The following ADCY1 variants were observed in gnomAD, a reference collection of about 807,000 sequenced individuals.
The protein encoded by ADCY1 is adenylate cyclase 1, also known as adenylate cyclase type 1.
A neutral mutation model predicts 105.4 loss-of-function variants in ADCY1; 28 were observed. That is an observed-to-expected ratio of 0.27 (90% CI 0.20 to 0.36). ADCY1 has a LOEUF of 0.36. ADCY1 is among the 10% of genes least tolerant of loss of function. ADCY1 has a pLI of 1.00. For synonymous variants in ADCY1, 655 were observed against 623.8 expected (o/e 1.05, Z -0.75); for missense variants, 977 against 1,434.2 (o/e 0.68, Z 5.15).
chr7:45,693,836 A>G (rs1784826943), intron 14 of ADCY1, among the ~76,000 whole-genome samples: 1 of 141,622 alleles, frequency 7.1e-6, no homozygotes, highest in African/African-American at 2.7e-5. Flanking sequence ...GAAATTGGAA[A>G]CCATCATTCT....
chr7:45,711,889 T>TTTATATATTATATTAAATATATAAATATA (rs1554333292), intron 19 of ADCY1, among the ~76,000 whole-genome samples: 15,735 of 90,030 alleles, frequency 0.17, 1,802 homozygotes, highest in African/African-American at 0.27. Context: ...TATAAATATA[T>TTTATATATTATATTAAATATATAAATATA]TTATATATTA....
At position 45,718,461 on chromosome 7, in the gene ADCY1, A is replaced by G. The variant is rs886274280; in HGVS notation, c.*4466A>G. On this transcript the variant is annotated 3_prime_UTR_variant, in exon 20 of 20. Coordinates refer to ENST00000297323, the MANE Select transcript of ADCY1 (RefSeq NM_021116.4). ...CCCATGCTAGGCTTGCCTGGGTGTG[A>G]GAAGGTCGAACTGGGTGGCTTAGGC... The G allele has an allele frequency of 6.6e-6, 1 of 152,024 alleles. No individual in the cohort carries two copies. The highest frequency in any genetic ancestry group is 1.5e-5 in the Non-Finnish European group (1 of 68,028). 9.4% of individuals were successfully genotyped at this position (152,024 alleles called of 1,614,324 possible).
chr7:45,669,573 G>A (rs1376398048), intron 8 of ADCY1, among the ~76,000 whole-genome samples: 1 of 152,190 alleles, frequency 6.6e-6, no homozygotes, highest in Non-Finnish European at 1.5e-5. Context: ...TTTGGAATAG[G>A]TGTGGTGTGG....
rs576504441 is a variant in ADCY1, at chr7:45,635,267, TC to T, written c.1020+12525del. Among the ~76,000 whole-genome samples, 58 of 152,110 alleles carry T rather than the reference TC, an allele frequency of 3.8e-4. 1 individual carries two copies. The highest frequency in any genetic ancestry group is 3.7e-3 in the East Asian group (19 of 5,190). On this transcript the variant is annotated intron_variant, in intron 4 of 19. Transcript: ENST00000297323. ...CATGGTTTTGGTAAGTTTTGTCTTC[TC>T]TTTGATCATTTTGGCTACAAGTTTA...
rs140892712 is a variant in ADCY1, at chr7:45,633,898, C to G, written c.1020+11155C>G. On this transcript the variant is annotated intron_variant, in intron 4 of 19. Coordinates refer to ENST00000297323, the MANE Select transcript of ADCY1 (RefSeq NM_021116.4). ...ACTTTTGCATCAACCTAAATAGATA[C>G]TAGCCTATTTATATGTTAATCAACT... 2.8e-3 allele frequency among the ~76,000 whole-genome samples: 423 copies of G among 150,000 alleles called. 2 individuals carry two copies. The highest frequency in any genetic ancestry group is 9.2e-3 in the South Asian group (43 of 4,662).
intron 8 of ADCY1, among the ~76,000 whole-genome samples, chr7:45,665,599 C>A (rs1166421578): frequency 6.6e-6 from 1 of 152,248 alleles, no homozygotes; most frequent in Non-Finnish European, 1.5e-5. Flanking sequence ...ACACATGATA[C>A]AAAAATTAAG....
intron 14 of ADCY1, among the ~76,000 whole-genome samples, chr7:45,702,890 A>G (rs568008795): frequency 8.5e-5 from 13 of 152,194 alleles, no homozygotes; most frequent in Admixed American, 3.9e-4. Context: ...ACTTGCCTCA[A>G]TGCCCAGAGG....
chr7:45,624,931 G>A (rs2115938608), intron 4 of ADCY1, among the ~76,000 whole-genome samples: 1 of 152,352 alleles, frequency 6.6e-6, no homozygotes, highest in African/African-American at 2.4e-5. Flanking sequence ...CTTTGTCTGT[G>A]AGGGGACAGG....
rs1785325948 is a variant in ADCY1, at chr7:45,714,412, G to C, written c.*417G>C. ...AGAGCAACTGAGGAGCTCTGCGAGA[G>C]TGTGCCCTCTGAGACAGCCCTGTCC... On this transcript the variant is annotated 3_prime_UTR_variant, in exon 20 of 20. Coordinates refer to ENST00000297323, the MANE Select transcript of ADCY1 (RefSeq NM_021116.4). 5.5e-6 allele frequency: 1 copy of C among 182,452 alleles called. No individual in the cohort carries two copies. The highest frequency in any genetic ancestry group is 1.5e-4 in the East Asian group (1 of 6,734). The allele number at this position is 182,452 out of a possible 1,614,324, so 11.3% of individuals were successfully genotyped here. A position where few individuals can be genotyped will look rare whatever the true frequency, so the allele number is the denominator to read the frequency against.
chr7:45,637,521 A>G (rs1794423224), intron 4 of ADCY1, among the ~76,000 whole-genome samples: 1 of 152,236 alleles, frequency 6.6e-6, no homozygotes, highest in South Asian at 2.1e-4. Flanking sequence ...CAGGAGTTTG[A>G]GACCAGACTG....
At chr7:45,667,821 A>G (rs1784289672) in intron 8 of ADCY1, among the ~76,000 whole-genome samples, 1 of 152,176 alleles carries the variant, frequency 6.6e-6, no homozygotes, top group Non-Finnish European at 1.5e-5. Flanking sequence ...AGTGATTTGT[A>G]GTTCTCCTTG....
intron 1 of ADCY1, among the ~76,000 whole-genome samples, chr7:45,578,079 G>A (rs957985351): frequency 1.3e-5 from 2 of 152,222 alleles, no homozygotes; most frequent in East Asian, 1.9e-4. Context: ...TGCAGCCTGG[G>A]TGCTTTGGGG....
intron 8 of ADCY1, among the ~76,000 whole-genome samples, chr7:45,673,237 G>A (rs1379533873): frequency 6.6e-6 from 1 of 152,054 alleles, no homozygotes; most frequent in African/African-American, 2.4e-5. Flanking sequence ...TTGGCCTGTA[G>A]TTTTCTGTTT....
intron 2 of ADCY1, among the ~76,000 whole-genome samples, chr7:45,604,248 A>G (rs1793318458): frequency 6.6e-6 from 1 of 152,190 alleles, no homozygotes; most frequent in African/African-American, 2.4e-5. Flanking sequence ...TATGTTCTAG[A>G]TAACAGTACT....
At position 45,591,020 on chromosome 7, in the gene ADCY1, G is replaced by T. The variant is rs747332871; in HGVS notation, c.640-1739G>T. 6.6e-6 allele frequency among the ~76,000 whole-genome samples: 1 copy of T among 152,160 alleles called. No homozygotes were observed. The highest frequency in any genetic ancestry group is 2.4e-5 in the African/African-American group (1 of 41,416). ...CTGTCAGCTGGAGCCCTGCAGATTC[G>T]TGTTCCTTGTCCTCCCTCCCTGTCA... On this transcript the variant is annotated intron_variant, in intron 1 of 19. Coordinates refer to ENST00000297323, the MANE Select transcript of ADCY1 (RefSeq NM_021116.4). This position sits in a 1 kb window ranked among gnomAD's most constrained non-coding sequence, Gnocchi z 4.1.
intron 1 of ADCY1, among the ~76,000 whole-genome samples, chr7:45,579,599 T>C (rs955149600): frequency 6.6e-6 from 1 of 152,174 alleles, no homozygotes; most frequent in African/African-American, 2.4e-5. Context: ...AGCCACTGCC[T>C]ACAGCGACAG....
intron 8 of ADCY1, among the ~76,000 whole-genome samples, chr7:45,663,446 T>C (rs758046603): frequency 5.9e-5 from 9 of 152,024 alleles, no homozygotes; most frequent in Non-Finnish European, 1.0e-4. Context: ...TTCAGGGGTG[T>C]GGGAGCCAGG....
rs79268889 is a variant in ADCY1 at position 45,578,029 on chromosome 7, G to A, written c.639+2847G>A. On this transcript the variant is annotated intron_variant, in intron 1 of 19. Coordinates refer to ENST00000297323, the MANE Select transcript of ADCY1 (RefSeq NM_021116.4). ...AGCAAGGCTCTCAGGGTTCCCTGCA[G>A]CATTCATTGTTCCAGTTCTGGTGCA... is the stretch of plus-strand genomic sequence containing the variant. Among the ~76,000 whole-genome samples the A allele has an allele frequency of 8.6e-3, 1,305 of 152,350 alleles. 77 individuals carry two copies. In the East Asian group the frequency reaches 0.13, roughly 15 times the overall value.
chr7:45,621,719 C>T (rs575319378), intron 3 of ADCY1, among the ~76,000 whole-genome samples: 1 of 152,226 alleles, frequency 6.6e-6, no homozygotes, highest in African/African-American at 2.4e-5. Flanking sequence ...AGGTCATTTT[C>T]CTTTACTTTG....
Sources: gnomAD v4.1 joint callset for allele counts (sites outside exome capture counted in the v4.1 genomes callset) on GRCh38, gnomAD v4.1.1 for gene constraint, Gnocchi (gnomAD v3.1) non-coding constraint, MANE v1.5 for transcripts, NCBI Gene and HGNC (gene_info 2026-07-23, HGNC 2026-07-21) for gene names.